Variants in TTC23 observed in about 807,000 individuals in gnomAD.
The protein encoded by TTC23 is tetratricopeptide repeat protein 23.
In TTC23, 58 loss-of-function variants were observed where a neutral mutation model predicts 55.1. The observed-to-expected ratio is 1.05, with a 90% CI of 0.85 to 1.31. The LOEUF (loss-of-function observed/expected upper bound fraction) is 1.31. TTC23 is among the 50% of genes most tolerant of loss of function. TTC23 has a pLI of 0.00. For synonymous variants in TTC23, 203 were observed against 199.9 expected (o/e 1.02, Z -0.13); for missense variants, 516 against 534.4 (o/e 0.97, Z 0.34).
At chr15:99,153,264 GA>G (rs1555497870) in intron 12 of TTC23, among the ~76,000 whole-genome samples, 2 of 152,178 alleles carry the variant, frequency 1.3e-5, no homozygotes, top group Non-Finnish European at 2.9e-5. Flanking sequence ...GCTAGACTGG[GA>G]ACTCACAAAG....
chr15:99,183,912 C>A (rs2074414233), intron 9 of TTC23, among the ~76,000 whole-genome samples: 1 of 152,104 alleles, frequency 6.6e-6, no homozygotes, highest in Admixed American at 6.5e-5. Context: ...TTTGTGGGCC[C>A]AGGACCCCCC....
intron 9 of TTC23, among the ~76,000 whole-genome samples, chr15:99,185,258 T>C (rs1028823050): frequency 2.0e-5 from 3 of 152,238 alleles, no homozygotes; most frequent in African/African-American, 7.2e-5. Flanking sequence ...TTACAATAAA[T>C]TGATTGCATA....
intron 3 of TTC23, among the ~76,000 whole-genome samples, chr15:99,240,385 G>GCA (rs1555541950): frequency 2.6e-5 from 4 of 151,926 alleles, no homozygotes; most frequent in Admixed American, 6.6e-5. Flanking sequence ...CATCTAACTT[G>GCA]TATATATATA....
At chr15:99,213,103 T>A (rs2077179560) in intron 8 of TTC23, among the ~76,000 whole-genome samples, 1 of 152,036 alleles carries the variant, frequency 6.6e-6, no homozygotes, top group African/African-American at 2.4e-5. Flanking sequence ...GGTTCAAGCT[T>A]ACCTACAGAA....
At chr15:99,222,874 G>A (rs549958467) in intron 5 of TTC23, among the ~76,000 whole-genome samples, 16 of 152,254 alleles carry the variant, frequency 1.1e-4, no homozygotes, top group East Asian at 3.9e-4. Flanking sequence ...GCGGCCGCCC[G>A]TAGTCCCAGC....
At chr15:99,172,325 T>C (rs2073052826) in intron 10 of TTC23, among the ~76,000 whole-genome samples, 1 of 152,218 alleles carries the variant, frequency 6.6e-6, no homozygotes, top group Admixed American at 6.5e-5. Flanking sequence ...GTGGGCTTTC[T>C]GAGTGCATGT....
intron 10 of TTC23, among the ~76,000 whole-genome samples, chr15:99,162,811 G>T (rs887082474): frequency 1.3e-5 from 2 of 152,152 alleles, no homozygotes; most frequent in African/African-American, 4.8e-5. Flanking sequence ...CGGGGGTGGT[G>T]GCTCACACTT....
chr15:99,199,297 G>A (rs886295507), intron 9 of TTC23, among the ~76,000 whole-genome samples: 2 of 151,472 alleles, frequency 1.3e-5, no homozygotes, highest in Non-Finnish European at 2.9e-5. Flanking sequence ...GCCGGACCTG[G>A]TGGCTCATGC....
intron 12 of TTC23, among the ~76,000 whole-genome samples, chr15:99,143,968 A>G (rs1232685076): frequency 2.6e-5 from 4 of 152,204 alleles, no homozygotes; most frequent in African/African-American, 7.2e-5. Flanking sequence ...CTAGGGCTCC[A>G]GTGGCTCATC....
At chr15:99,182,300 C>A (rs2151947467) in intron 9 of TTC23, among the ~76,000 whole-genome samples, 1 of 149,136 alleles carries the variant, frequency 6.7e-6, no homozygotes, top group Non-Finnish European at 1.5e-5. Flanking sequence ...ATAATCATAA[C>A]CCAGCCACGT....
In TTC23 at chr15:99,228,952, A is replaced by G. The variant is rs1039637125; in HGVS notation, c.-20-220T>C. 3.8e-5 allele frequency among the ~76,000 whole-genome samples: 4 copies of G among 106,592 alleles called. No homozygotes were observed. In the East Asian group the frequency reaches 1.5e-3, roughly 41 times the overall value. 69.9% of individuals were successfully genotyped at this position (106,592 alleles called of 152,430 possible). ...CATACATATATATATGCCTACATAC[A>G]TATACACACATACATACACATGTAT... On this transcript the variant is annotated intron_variant, in intron 4 of 13. Coordinates refer to ENST00000394132, the MANE Select transcript of TTC23 (RefSeq NM_001288615.3).
intron 9 of TTC23, among the ~76,000 whole-genome samples, chr15:99,185,421 A>G (rs1014226998): frequency 6.3e-4 from 96 of 152,326 alleles, no homozygotes; most frequent in African/African-American, 2.2e-3. Context: ...TGAGATCTAA[A>G]GCTAGATTTT....
intron 9 of TTC23, 48 bp downstream of exon 9, chr15:99,199,871 A>C (rs1355001891): frequency 1.3e-6 from 2 of 1,519,412 alleles, no homozygotes; most frequent in African/African-American, 2.8e-5. Context: ...TGTCTATGAA[A>C]AGCATTGGGC....
intron 4 of TTC23, among the ~76,000 whole-genome samples, chr15:99,234,089 T>G (rs544873143): frequency 1.3e-5 from 2 of 152,270 alleles, no homozygotes; most frequent in South Asian, 4.1e-4. Flanking sequence ...AAACAATGTG[T>G]AAGAAAACAC....
chr15:99,159,313 C>A (rs1432368233), intron 11 of TTC23: 1 of 152,284 alleles, frequency 6.6e-6, no homozygotes, highest in Non-Finnish European at 1.5e-5. Context: ...CACCTCTCTG[C>A]TCATCACTCC....
intron 8 of TTC23, among the ~76,000 whole-genome samples, chr15:99,203,648 A>G (rs2076372431): frequency 6.6e-6 from 1 of 151,860 alleles, no homozygotes; most frequent in Non-Finnish European, 1.5e-5. Flanking sequence ...CAAAGCCTGT[A>G]GTAACCATCA....
intron 9 of TTC23, among the ~76,000 whole-genome samples, chr15:99,182,244 T>TCACA (rs1345527102): frequency 2.2e-4 from 23 of 102,332 alleles, no homozygotes; most frequent in South Asian, 1.0e-3. Context: ...TCTCTCTCTC[T>TCACA]CTCTCACACA....
Position 99,161,838 on chromosome 15 carries a change from T to A in TTC23, c.895A>T (p.Met299Leu), listed in dbSNP as rs769773886. 12 of 1,611,656 alleles carry A rather than the reference T, an allele frequency of 7.4e-6. No individual in the cohort carries two copies. Among genetic ancestry groups the A allele is most frequent in the Non-Finnish European group, 1.0e-5 (12 of 1,179,490 alleles). ...CCTTCAGAATCCTTAAGATGAGCCA[T>A]GCTCTCTTGAAAATACTGCTCAGCT... ...DVAEQYFQES[M>L]AHLKDSEGMG... The change falls in exon 11 of 14, where the codon ATG becomes TTG. Residue 299 changes from methionine to leucine, a missense_variant. Physicochemically the swap from Met to Leu is conservative, Grantham distance 15. Coordinates refer to ENST00000394132, the MANE Select transcript of TTC23 (RefSeq NM_001288615.3).
At position 99,200,079 on chromosome 15, in the gene TTC23, T is replaced by C; in HGVS notation, c.599A>G (p.Lys200Arg). ...GTGGGACAAAGCTTCTTTTGACTTC[T>C]TCTGACCTTGATACACCCTAAAAAA... Reference protein sequence around the residue: ...LSFAQVYQGQKKSKEALSHYQ... With the variant: ...LSFAQVYQGQRKSKEALSHYQ... The change falls in exon 9 of 14, where the codon AAG becomes AGG. Residue 200 changes from lysine to arginine, a missense_variant. By Grantham distance (26) the Lys-to-Arg change is conservative. Coordinates refer to ENST00000394132, the MANE Select transcript of TTC23 (RefSeq NM_001288615.3). 3 of 1,609,328 alleles carry C rather than the reference T, an allele frequency of 1.9e-6. No homozygotes were observed. Among genetic ancestry groups the C allele is most frequent in the African/African-American group, 2.7e-5 (2 of 74,944 alleles).
Sources: gnomAD v4.1 joint callset for allele counts (sites outside exome capture counted in the v4.1 genomes callset) on GRCh38, gnomAD v4.1.1 for gene constraint, MANE v1.5 for transcripts, NCBI Gene and HGNC (gene_info 2026-07-23, HGNC 2026-07-21) for gene names.